The following OLFML3 variants were observed in gnomAD, a reference collection of about 807,000 sequenced individuals.
OLFML3 encodes the protein olfactomedin-like protein 3.
In OLFML3, 26 loss-of-function variants were observed where a neutral mutation model predicts 36.0. That is an observed-to-expected ratio of 0.72 (90% CI 0.53 to 1.00). The LOEUF (loss-of-function observed/expected upper bound fraction) is 1.00, where lower values mean the gene tolerates loss of function less well. Ranked by LOEUF, OLFML3 falls within the 50% of genes least tolerant of loss-of-function variation. The pLI is 0.00. For missense variants in OLFML3, 503 were observed against 519.4 expected, an observed-to-expected ratio of 0.97 and a Z score of 0.31; for synonymous variants, 184 against 201.2, an observed-to-expected ratio of 0.91 and a Z score of 0.72.
rs1553273865 is a variant in OLFML3 at position 113,979,605 on chromosome 1, T to G, written c.89T>G (p.Met30Arg). Reference sequence around the variant, plus strand: ...CAGCAGCACCACCTTGTGGAGTACATGGAACGCCGACTAGCTGCTTTAGAG... The same window carrying G: ...CAGCAGCACCACCTTGTGGAGTACAGGGAACGCCGACTAGCTGCTTTAGAG... ...QGQQHHLVEY[M>R]ERRLAALEER... Residue 30 changes from methionine (M) to arginine (R), a missense_variant, in exon 1 of 3, where the codon ATG becomes AGG. Coordinates refer to ENST00000320334, the MANE Select transcript of OLFML3 (RefSeq NM_020190.5). 4.3e-6 allele frequency: 7 copies of G among 1,613,720 alleles called. No individual in the cohort carries two copies. The highest frequency in any genetic ancestry group is 5.9e-6 in the Non-Finnish European group (7 of 1,179,586).
chr1:113,981,704 G>A lies in OLFML3; in HGVS notation c.1156G>A (p.Ala386Thr). 6.2e-7 allele frequency: 1 copy of A among 1,613,940 alleles called. No individual in the cohort carries two copies. Among genetic ancestry groups the A allele is most frequent in the Non-Finnish European group, 8.5e-7 (1 of 1,179,992 alleles). ...RYNPRERQLYAWDDGYQIVYK... is the reference protein window; with the variant it reads ...RYNPRERQLYTWDDGYQIVYK... ...TAACCCCCGAGAACGCCAGCTCTAT[G>A]CCTGGGATGATGGCTACCAGATTGT... The change falls in exon 3 of 3, where the codon GCC (alanine) becomes ACC (threonine). Residue 386 changes from alanine (A) to threonine (T), a missense_variant. Coordinates refer to ENST00000320334, the MANE Select transcript of OLFML3 (RefSeq NM_020190.5).
In OLFML3 at chr1:113,979,547, T is replaced by C; in HGVS notation, c.31T>C (p.Phe11Leu). 6.2e-7 allele frequency: 1 copy of C among 1,614,098 alleles called. No individual in the cohort carries two copies. The highest frequency in any genetic ancestry group is 8.5e-7 in the Non-Finnish European group (1 of 1,179,964). Residue 11 changes from phenylalanine (F) to leucine (L), a missense_variant, in exon 1 of 3, where the codon TTC becomes CTC. Physicochemically the swap from Phe to Leu is conservative, Grantham distance 22. Transcript: ENST00000320334. The stretch of plus-strand genomic sequence containing the variant: ...GCCCAGCACCCCTCTCCTCATCTTG[T>C]TCCTTTTGTCATGGTCGGGACCCCT... Reference protein sequence around the residue: MGPSTPLLILFLLSWSGPLQG... With the variant: MGPSTPLLILLLLSWSGPLQG...
At position 113,981,193 on chromosome 1, in the gene OLFML3, T is replaced by C. The variant is rs762793889; in HGVS notation, c.645T>C (p.Tyr215=). The change falls in exon 3 of 3, where the codon TAT becomes TAC. Residue 215 remains tyrosine (Y), a synonymous_variant. Coordinates refer to ENST00000320334, the MANE Select transcript of OLFML3 (RefSeq NM_020190.5). ...FPWVGTGQLV[Y]GGFLYFARRP... ...GGGTAGGCACAGGGCAGCTGGTATA[T>C]GGTGGCTTTCTTTATTTTGCTCGGA... The C allele has an allele frequency of 3.5e-5, 56 of 1,614,064 alleles. No homozygotes were observed. The highest frequency in any genetic ancestry group is 6.7e-5 in the Admixed American group (4 of 60,010).
chr1:113,980,450 C>A lies in OLFML3; in HGVS notation c.233C>A (p.Thr78Asn), dbSNP rs937027369. 2 of 1,613,804 alleles carry A rather than the reference C, an allele frequency of 1.2e-6. No individual in the cohort carries two copies. Among genetic ancestry groups the A allele is most frequent in the African/African-American group, 2.7e-5 (2 of 74,992 alleles). The change falls in exon 2 of 3, where the codon ACT becomes AAT. Residue 78 changes from threonine (T) to asparagine (N), a missense_variant. Thr to Asn is a moderately conservative substitution (Grantham distance 65, BLOSUM62 0). Transcript: ENST00000320334. ...GAGAAGGAGCGGGAGGCACTCAGAA[C>A]TGAGGCCGACACCATCTCCGGGAGA... is the stretch of plus-strand genomic sequence containing the variant. ...VAEKEREALRTEADTISGRVD... is the reference protein window; with the variant it reads ...VAEKEREALRNEADTISGRVD...
Position 113,979,632 on chromosome 1 carries a change from T to A in OLFML3, c.114+2T>A. 6.3e-7 allele frequency: 1 copy of A among 1,599,860 alleles called. No individual in the cohort carries two copies. The highest frequency in any genetic ancestry group is 8.6e-7 in the Non-Finnish European group (1 of 1,167,128). ...GAACGCCGACTAGCTGCTTTAGAGG[T>A]GAGGGACCCCTTTCTCTTCTAGCCC... On this transcript the variant is annotated splice_donor_variant, in intron 1 of 2. Transcript: ENST00000320334. LOFTEE classifies it high-confidence loss of function.
chr1:113,981,958 T>C lies in OLFML3; in HGVS notation c.*189T>C, dbSNP rs1673431884. On this transcript the variant is annotated 3_prime_UTR_variant, in exon 3 of 3. Coordinates refer to ENST00000320334, the MANE Select transcript of OLFML3 (RefSeq NM_020190.5). ...CGGAACTCCAGATCCTGAGTAATCC[T>C]TTTAGAGCCCGAAGAGTCAAAACCC... 1 of 612,260 alleles carries C rather than the reference T, an allele frequency of 1.6e-6. No homozygotes were observed. The highest frequency in any genetic ancestry group is 2.8e-6 in the Non-Finnish European group (1 of 351,208). The allele number at this position is 612,260 out of a possible 1,614,324, so 37.9% of individuals were successfully genotyped here.
Position 113,981,491 on chromosome 1 carries a change from C to T in OLFML3, c.943C>T (p.Pro315Ser), listed in dbSNP as rs1168119698. Reference sequence around the variant, plus strand: ...GGACACAGAGCAGCAGTGGGACACACCATGTCCCAGAGAGAATGCTGAGGC... The same window carrying T: ...GGACACAGAGCAGCAGTGGGACACATCATGTCCCAGAGAGAATGCTGAGGC... ...TLDTEQQWDTPCPRENAEAAF... is the reference protein window; with the variant it reads ...TLDTEQQWDTSCPRENAEAAF... The change falls in exon 3 of 3, where the codon CCA becomes TCA. Residue 315 changes from proline to serine, a missense_variant. Transcript: ENST00000320334. The T allele has an allele frequency of 1.2e-6, 2 of 1,614,096 alleles. No homozygotes were observed. Among genetic ancestry groups the T allele is most frequent in the Admixed American group, 1.7e-5 (1 of 60,018 alleles).
Position 113,982,090 on chromosome 1 carries a change from A to T in OLFML3, c.*321A>T. 1 of 379,650 alleles carries T rather than the reference A, an allele frequency of 2.6e-6. No homozygotes were observed. Among genetic ancestry groups the T allele is most frequent in the South Asian group, 2.4e-5 (1 of 41,506 alleles). The allele number at this position is 379,650 out of a possible 1,614,324, so 23.5% of individuals were successfully genotyped here. ...ATGCGGGCAGGCCCAGGGAGCAGGC[A>T]GCAGTGTTCTTCCCCTCAGAGTGAC... is the stretch of plus-strand genomic sequence containing the variant. On this transcript the variant is annotated 3_prime_UTR_variant, in exon 3 of 3. Transcript: ENST00000320334.
Position 113,981,412 on chromosome 1 carries a change from C to T in OLFML3, c.864C>T (p.Ala288=). 6.2e-7 allele frequency: 1 copy of T among 1,612,536 alleles called. No homozygotes were observed. The highest frequency in any genetic ancestry group is 8.5e-7 in the Non-Finnish European group (1 of 1,179,154). The change falls in exon 3 of 3, where the codon GCC becomes GCT. Residue 288 remains alanine (A), a synonymous_variant. Transcript: ENST00000320334. ...AGGAAGGTCTTTGGGCTGTCTATGC[C>T]ACCCGGGAGGATGACAGGCACTTGT... ...ADEEGLWAVY[A]TREDDRHLCL...
chr1:113,981,155 G>T lies in OLFML3; in HGVS notation c.607G>T (p.Val203Leu), dbSNP rs748482682. Residue 203 changes from valine to leucine, a missense_variant, in exon 3 of 3, where the codon GTG becomes TTG. Transcript: ENST00000320334. Reference protein sequence around the residue: ...MAARKASRVRVPFPWVGTGQL... With the variant: ...MAARKASRVRLPFPWVGTGQL... The stretch of plus-strand genomic sequence containing the variant: ...TGCCCGGAAAGCTTCCCGAGTCCGG[G>T]TGCCCTTCCCCTGGGTAGGCACAGG... 1 of 1,614,218 alleles carries T rather than the reference G, an allele frequency of 6.2e-7. No homozygotes were observed. Among genetic ancestry groups the T allele is most frequent in the Non-Finnish European group, 8.5e-7 (1 of 1,180,032 alleles).
At position 113,981,685 on chromosome 1, in the gene OLFML3, C is replaced by T. The variant is rs1673421110; in HGVS notation, c.1137C>T (p.Pro379=). Residue 379 remains proline, a synonymous_variant, in exon 3 of 3, where the codon CCC becomes CCT. Coordinates refer to ENST00000320334, the MANE Select transcript of OLFML3 (RefSeq NM_020190.5). The part of the protein sequence containing the change: ...YGAHASLRYN[P]RERQLYAWDD... ...CCCATGCCAGCCTCCGCTATAACCC[C>T]CGAGAACGCCAGCTCTATGCCTGGG... 6.2e-7 allele frequency: 1 copy of T among 1,613,966 alleles called. No individual in the cohort carries two copies. The highest frequency in any genetic ancestry group is 1.3e-5 in the African/African-American group (1 of 74,886).
At position 113,980,620 on chromosome 1, in the gene OLFML3, A is replaced by G. The variant is rs373523553; in HGVS notation, c.400+3A>G. On this transcript the variant is annotated splice_donor_region_variant and intron_variant, in intron 2 of 2. Coordinates refer to ENST00000320334, the MANE Select transcript of OLFML3 (RefSeq NM_020190.5). ...TGAGAAGTACGATATGGTGACAGGT[A>G]AATAATCTGAAAGCAGGCCCCTAAC... 136 of 1,566,070 alleles carry G rather than the reference A, an allele frequency of 8.7e-5. No homozygotes were observed. The highest frequency in any genetic ancestry group is 3.4e-4 in the Middle Eastern group (2 of 5,842).
Position 113,981,236 on chromosome 1 carries a change from G to A in OLFML3, c.688G>A (p.Gly230Ser), listed in dbSNP as rs1452829250. 2.5e-6 allele frequency: 4 copies of A among 1,613,780 alleles called. No individual in the cohort carries two copies. The highest frequency in any genetic ancestry group is 3.4e-6 in the Non-Finnish European group (4 of 1,179,832). Residue 230 changes from glycine (G) to serine (S), a missense_variant, in exon 3 of 3, where the codon GGT (glycine) becomes AGT (serine). Coordinates refer to ENST00000320334, the MANE Select transcript of OLFML3 (RefSeq NM_020190.5). ...YFARRPPGRPGGGGEMENTLQ... is the reference protein window; with the variant it reads ...YFARRPPGRPSGGGEMENTLQ... ...TGCTCGGAGGCCTCCTGGAAGACCT[G>A]GTGGAGGTGGTGAGATGGAGAACAC...
In OLFML3 at chr1:113,980,254, C is replaced by G. The variant is rs1673360794; in HGVS notation, c.115-78C>G. The G allele has an allele frequency of 3.9e-6, 6 of 1,523,738 alleles. No individual in the cohort carries two copies. In the East Asian group the frequency reaches 1.4e-4, roughly 35 times the overall value. The allele number at this position is 1,523,738 out of a possible 1,614,324, so 94.4% of individuals were successfully genotyped here. ...CTGAGTTTGCTCTTTTTTTCCCATT[C>G]CTGACTCCCGAGTTGGGCCTCTCCC... On this transcript the variant is annotated intron_variant, in intron 1 of 2. Coordinates refer to ENST00000320334, the MANE Select transcript of OLFML3 (RefSeq NM_020190.5).
Position 113,981,955 on chromosome 1 carries a change from T to C in OLFML3, c.*186T>C, listed in dbSNP as rs1049327238. ...ATACGGAACTCCAGATCCTGAGTAA[T>C]CCTTTTAGAGCCCGAAGAGTCAAAA... On this transcript the variant is annotated 3_prime_UTR_variant, in exon 3 of 3. Transcript: ENST00000320334. 6.5e-6 allele frequency: 4 copies of C among 619,582 alleles called. No individual in the cohort carries two copies. In the African/African-American group the frequency reaches 7.4e-5, roughly 11 times the overall value. 38.4% of individuals were successfully genotyped at this position (619,582 alleles called of 1,614,324 possible).
rs1304098369 is a variant in OLFML3, at chr1:113,981,449, T to A, written c.901T>A (p.Leu301Ile). 1 of 1,613,390 alleles carries A rather than the reference T, an allele frequency of 6.2e-7. No homozygotes were observed. Among genetic ancestry groups the A allele is most frequent in the Non-Finnish European group, 8.5e-7 (1 of 1,179,754 alleles). ...TGACAGGCACTTGTGTCTGGCCAAG[T>A]TAGATCCACAGACACTGGACACAGA... ...EDDRHLCLAK[L>I]DPQTLDTEQQ... The change falls in exon 3 of 3, where the codon TTA becomes ATA. Residue 301 changes from leucine (L) to isoleucine (I), a missense_variant. Transcript: ENST00000320334.
Position 113,980,963 on chromosome 1 carries a change from A to G in OLFML3, c.415A>G (p.Ile139Val), listed in dbSNP as rs138164881. 22 of 1,520,028 alleles carry G rather than the reference A, an allele frequency of 1.4e-5. No individual in the cohort carries two copies. In the African/African-American group the frequency reaches 1.7e-4, roughly 12 times the overall value. The allele number at this position is 1,520,028 out of a possible 1,614,324, so 94.2% of individuals were successfully genotyped here. A position where few individuals can be genotyped will look rare whatever the true frequency, so the allele number is the denominator to read the frequency against. ...YDMVTDCGYT[I>V]SQVRSMKILK... ...TTTCTCATCAGACTGTGGCTACACAATCTCTCAAGTGAGATCAATGAAGAT... is the reference window on the plus strand; with the variant it reads ...TTTCTCATCAGACTGTGGCTACACAGTCTCTCAAGTGAGATCAATGAAGAT... Residue 139 changes from isoleucine to valine, a missense_variant, in exon 3 of 3, where the codon ATC becomes GTC. Ile to Val is a conservative substitution (Grantham distance 29). Coordinates refer to ENST00000320334, the MANE Select transcript of OLFML3 (RefSeq NM_020190.5).
At chr1:113,980,833 G>A in intron 2 of OLFML3, 116 bp from the exon 3 acceptor site, 1 of 1,067,558 alleles carries the variant, frequency 9.4e-7, no homozygotes, top group Non-Finnish European at 1.3e-6. Context: ...CCCTAAGATT[G>A]GAGGCAACCA....
Position 113,980,491 on chromosome 1 carries a change from C to A in OLFML3, c.274C>A (p.Arg92=), listed in dbSNP as rs145257286. Residue 92 remains arginine (R), a synonymous_variant, in exon 2 of 3, where the codon CGG becomes AGG. Coordinates refer to ENST00000320334, the MANE Select transcript of OLFML3 (RefSeq NM_020190.5). The stretch of plus-strand genomic sequence containing the variant: ...CTCCGGGAGAGTGGATCGTCTGGAG[C>A]GGGAGGTAGACTATCTGGAGACCCA... ...TISGRVDRLE[R]EVDYLETQNP... The A allele has an allele frequency of 6.2e-7, 1 of 1,613,958 alleles. No individual in the cohort carries two copies. The highest frequency in any genetic ancestry group is 8.5e-7 in the Non-Finnish European group (1 of 1,180,012).
Sources: gnomAD v4.1 joint callset for allele counts on GRCh38, gnomAD v4.1.1 for gene constraint, MANE v1.5 for transcripts, NCBI Gene and HGNC (gene_info 2026-07-23, HGNC 2026-07-21) for gene names.